The following ALDH4A1 variants were observed in gnomAD, a reference collection of about 807,000 sequenced individuals.
ALDH4A1 encodes aldehyde dehydrogenase 4 family member A1.
A neutral mutation model predicts 70.5 loss-of-function variants in ALDH4A1; 46 were observed. That is an observed-to-expected ratio of 0.65 (90% confidence interval 0.51 to 0.83). ALDH4A1 has a LOEUF of 0.83. Ranked by LOEUF, ALDH4A1 falls within the 40% of genes least tolerant of loss-of-function variation. ALDH4A1 has a pLI of 0.00. For missense variants in ALDH4A1, 749 were observed against 766.5 expected, an observed-to-expected ratio of 0.98 and a Z score of 0.27; for synonymous variants, 323 against 324.3, an observed-to-expected ratio of 1.00 and a Z score of 0.04.
intron 5 of ALDH4A1, 37 bp from the exon 6 acceptor site, chr1:18,883,465 C>T: frequency 6.2e-7 from 1 of 1,612,066 alleles, no homozygotes; most frequent in Non-Finnish European, 8.5e-7. Context: ...GAGCAGCCAA[C>T]AGCCTCCTGT....
In ALDH4A1 at chr1:18,877,495, C is replaced by A; in HGVS notation, c.1058G>T (p.Arg353Leu). Residue 353 changes from arginine to leucine, a missense_variant, in exon 10 of 15, where the codon CGT becomes CTT. Coordinates refer to ENST00000375341, the MANE Select transcript of ALDH4A1 (RefSeq NM_003748.4). ...CCACAGCGAGTGCGGCACGTAGAGA[C>A]GCGAGCACGCGGAACACTTCTGGCC... ...YGGQKCSACS[R>L]LYVPHSLWPQ... is the part of the protein sequence containing the mutation. 2.5e-6 allele frequency: 4 copies of A among 1,605,578 alleles called. No homozygotes were observed. The highest frequency in any genetic ancestry group is 1.7e-5 in the Admixed American group (1 of 59,122).
Position 18,889,349 on chromosome 1 carries a change from C to A in ALDH4A1, c.249+13G>T. 2 of 1,551,304 alleles carry A rather than the reference C, an allele frequency of 1.3e-6. No individual in the cohort carries two copies. Among genetic ancestry groups the A allele is most frequent in the Non-Finnish European group, 1.7e-6 (2 of 1,146,610 alleles). On this transcript the variant is annotated intron_variant, in intron 3 of 14. Coordinates refer to ENST00000375341, the MANE Select transcript of ALDH4A1 (RefSeq NM_003748.4). ...AGGGGAGGGGCTGAGCTCTGCCCAC[C>A]CGCTGGACATACCGACACTTGGTAC...
At chr1:18,873,446 C>T (rs1400374973) in intron 14 of ALDH4A1, among the ~76,000 whole-genome samples, 1 of 152,116 alleles carries the variant, frequency 6.6e-6, no homozygotes, top group Admixed American at 6.5e-5. Context: ...TGCAGGATGG[C>T]ACTGATTGGC....
rs1935835640 is a variant in ALDH4A1, at chr1:18,902,483, G to A, written c.41C>T (p.Ser14Phe). 3 of 1,467,706 alleles carry A rather than the reference G, an allele frequency of 2.0e-6. No individual in the cohort carries two copies. Among genetic ancestry groups the A allele is most frequent in the Non-Finnish European group, 2.7e-6 (3 of 1,109,504 alleles). 90.9% of individuals were successfully genotyped at this position (1,467,706 alleles called of 1,614,324 possible). The change falls in exon 1 of 15, where the codon TCC becomes TTC. Residue 14 changes from serine (S) to phenylalanine (F), a missense_variant. Physicochemically the swap from Ser to Phe is radical, Grantham distance 155. Coordinates refer to ENST00000375341, the MANE Select transcript of ALDH4A1 (RefSeq NM_003748.4). Reference protein sequence around the residue: ...PAPALRRALLSRPWTGAGLRW... With the variant: ...PAPALRRALLFRPWTGAGLRW... ...TCACCCGGCCCCGGTCCAGGGGCGGGACAGCAGGGCGCGGCGGAGCGCGGG... is the reference window on the plus strand; with the variant it reads ...TCACCCGGCCCCGGTCCAGGGGCGGAACAGCAGGGCGCGGCGGAGCGCGGG...
chr1:18,894,732 C>G (rs532668350), intron 1 of ALDH4A1, among the ~76,000 whole-genome samples: 63 of 152,302 alleles, frequency 4.1e-4, no homozygotes, highest in Admixed American at 1.0e-3. Context: ...AGCACTGGCC[C>G]AGCTGTCCGT....
rs1039268475 is a variant in ALDH4A1, at chr1:18,880,255, G to A, written c.867-882C>T. Among the ~76,000 whole-genome samples, 43 of 151,924 alleles carry A rather than the reference G, an allele frequency of 2.8e-4. No homozygotes were observed. In the East Asian group the frequency reaches 3.5e-3, roughly 12 times the overall value. The stretch of plus-strand genomic sequence containing the variant: ...AGGACCCTGAGCTGCAGACCCGGGC[G>A]TCTGGCTGCCTCCAGGCATCTCCAC... On this transcript the variant is annotated intron_variant, in intron 8 of 14. Transcript: ENST00000375341. This position sits in a 1 kb window ranked among gnomAD's most constrained non-coding sequence, Gnocchi z 5.1.
chr1:18,879,265 G>A, intron 9 of ALDH4A1, 35 bp downstream of exon 9: 1 of 1,574,142 alleles, frequency 6.4e-7, no homozygotes, highest in Non-Finnish European at 8.6e-7. Flanking sequence ...GGGTCCCTGG[G>A]GCCACACGGG....
chr1:18,885,518 A>C lies in ALDH4A1; in HGVS notation c.408T>G (p.Ser136Arg). The C allele has an allele frequency of 6.9e-7, 1 of 1,454,838 alleles. No individual in the cohort carries two copies. Among genetic ancestry groups the C allele is most frequent in the South Asian group, 1.2e-5 (1 of 86,932 alleles). The allele number at this position is 1,454,838 out of a possible 1,614,324, so 90.1% of individuals were successfully genotyped here. Residue 136 changes from serine to arginine, a missense_variant, in exon 5 of 15, where the codon AGT becomes AGG. Transcript: ENST00000375341. ...QIFLKAADML[S>R]GPRRAEILAK... ...CGAGGATCTCAGCCCTGCGCGGCCC[A>C]CTCAGCATGTCTGCCGCCTTCAGGA...
chr1:18,884,769 G>A (rs1226920031), intron 5 of ALDH4A1, among the ~76,000 whole-genome samples: 1 of 152,232 alleles, frequency 6.6e-6, no homozygotes, highest in Non-Finnish European at 1.5e-5. Context: ...ACAGAGGCAG[G>A]AATAGTCCTT....
intron 5 of ALDH4A1, 46 bp downstream of exon 5, chr1:18,885,427 T>TTCCCCCCCCCCCCCCCCCCCC: frequency 1.1e-5 from 7 of 650,918 alleles, no homozygotes; most frequent in East Asian, 3.2e-5. Context: ...CACACCTGAC[T>TTCCCCCCCCCCCCCCCCCCCC]CCCACCCCAC....
In ALDH4A1 at chr1:18,879,371, G is replaced by C. The variant is rs200799591; in HGVS notation, c.869C>G (p.Thr290Ser). Residue 290 changes from threonine to serine, a missense_variant and splice_region_variant, in exon 9 of 15, where the codon ACC becomes AGC. Thr to Ser is a moderately conservative substitution (Grantham distance 58). Transcript: ENST00000375341. The part of the protein sequence containing the change: ...CGINFTGSVP[T>S]FKHLWKQVAQ... ...CACCTGCTTCCACAGGTGTTTGAAG[G>C]TGCTGGAACCACAGGAGAAAGGGTG... 7.1e-5 allele frequency: 115 copies of C among 1,610,552 alleles called. No individual in the cohort carries two copies. The highest frequency in any genetic ancestry group is 9.4e-5 in the Non-Finnish European group (111 of 1,178,640).
chr1:18,874,224 T>C (rs887954360), intron 14 of ALDH4A1, among the ~76,000 whole-genome samples: 17 of 152,194 alleles, frequency 1.1e-4, no homozygotes, highest in African/African-American at 4.1e-4. Flanking sequence ...GGAGCCAAAA[T>C]TACAATCCCA....
chr1:18,881,899 G>T lies in ALDH4A1; in HGVS notation c.679-12C>A, dbSNP rs780995827. The T allele has an allele frequency of 4.4e-5, 71 of 1,611,842 alleles. No individual in the cohort carries two copies. The highest frequency in any genetic ancestry group is 5.8e-5 in the Non-Finnish European group (68 of 1,179,708). On this transcript the variant is annotated splice_polypyrimidine_tract_variant and intron_variant, in intron 7 of 14. Transcript: ENST00000375341. ...AGGACCACGTTGCCCTGCCCGGGAG[G>T]TGTTTCAGTGATGCATGAGGATGGC...
chr1:18,890,020 G>T lies in ALDH4A1; in HGVS notation c.148C>A (p.Leu50Met). ...FTQGSPERDALQKALKDLKGR... is the reference protein window; with the variant it reads ...FTQGSPERDAMQKALKDLKGR... ...TCCCACCCTCCCATTACCTTTTGCA[G>T]GGCATCTCGCTCAGGGCTGCCCTGC... is the stretch of plus-strand genomic sequence containing the variant. Residue 50 changes from leucine to methionine, a missense_variant, in exon 2 of 15, where the codon CTG becomes ATG. Coordinates refer to ENST00000375341, the MANE Select transcript of ALDH4A1 (RefSeq NM_003748.4). 6.2e-7 allele frequency: 1 copy of T among 1,608,166 alleles called. No homozygotes were observed.
chr1:18,893,370 T>A (rs1231590260), intron 1 of ALDH4A1, among the ~76,000 whole-genome samples: 1 of 152,218 alleles, frequency 6.6e-6, no homozygotes, highest in Admixed American at 6.5e-5. Context: ...ATATGGGACC[T>A]GAGTCATGCC....
chr1:18,888,971 G>A (rs1935329135), intron 3 of ALDH4A1, among the ~76,000 whole-genome samples: 1 of 152,244 alleles, frequency 6.6e-6, no homozygotes, highest in South Asian at 2.1e-4. Flanking sequence ...CACGTAAAGT[G>A]CATGCCAGTT....
intron 3 of ALDH4A1, among the ~76,000 whole-genome samples, chr1:18,888,035 C>A (rs895903846): frequency 6.6e-6 from 1 of 152,182 alleles, no homozygotes; most frequent in Non-Finnish European, 1.5e-5. Flanking sequence ...GCTACCTATC[C>A]GTCTTCTGGT....
chr1:18,874,726 T>C (rs947091135), intron 13 of ALDH4A1, 145 bp from the exon 14 acceptor site: 1 of 822,396 alleles, frequency 1.2e-6, no homozygotes, highest in African/African-American at 1.7e-5. Flanking sequence ...CTGCCAGCTG[T>C]TGGCTGTGGG....
At chr1:18,873,062 G>T in intron 14 of ALDH4A1, 105 bp from the exon 15 acceptor site, 1 of 991,712 alleles carries the variant, frequency 1.0e-6, no homozygotes, top group Non-Finnish European at 1.6e-6. Flanking sequence ...GTAGCGGCCA[G>T]CAGCGAGCCT....
Sources: allele counts gnomAD v4.1 joint callset (sites outside exome capture counted in the v4.1 genomes callset), GRCh38; gene constraint gnomAD v4.1.1; non-coding constraint Gnocchi (gnomAD v3.1); transcripts MANE v1.5; gene names NCBI Gene and HGNC (gene_info 2026-07-23, HGNC 2026-07-21).